Variants in ODAD3 observed in about 807,000 individuals in gnomAD.
ODAD3 encodes the protein outer dynein arm-docking complex subunit 3.
Under a neutral mutation model 70.9 loss-of-function variants are expected in ODAD3, and 57 were observed. The observed-to-expected ratio is 0.80, with a 90% CI of 0.65 to 1.00. The LOEUF (loss-of-function observed/expected upper bound fraction) is 1.00. ODAD3 is among the 50% of genes least tolerant of loss of function. The pLI is 0.00. For missense variants in ODAD3, 797 were observed against 763.9 expected, an observed-to-expected ratio of 1.04 and a Z score of -0.51; for synonymous variants, 327 against 315.9, an observed-to-expected ratio of 1.04 and a Z score of -0.37.
chr19:11,434,694 GA>G, intron 1 of ODAD3, 78 bp downstream of exon 1: 2 of 1,511,092 alleles, frequency 1.3e-6, no homozygotes, highest in South Asian at 2.5e-5. Flanking sequence ...TCATGCTGGA[GA>G]AATACCTTTG....
chr19:11,428,383 A>G (rs1969431713), intron 3 of ODAD3, among the ~76,000 whole-genome samples: 1 of 152,006 alleles, frequency 6.6e-6, no homozygotes, highest in Admixed American at 6.6e-5. Context: ...CTGGGACCAC[A>G]GATGCATGCC....
intron 3 of ODAD3, among the ~76,000 whole-genome samples, chr19:11,428,915 T>C (rs1969445634): frequency 6.7e-6 from 1 of 150,266 alleles, no homozygotes. Context: ...TGAGACAGAG[T>C]TGCCCAGGCT....
intron 7 of ODAD3, among the ~76,000 whole-genome samples, chr19:11,425,095 GTA>G (rs1179089830): frequency 3.8e-5 from 5 of 132,242 alleles, no homozygotes; most frequent in Admixed American, 1.4e-4. Context: ...GTACATATGT[GTA>G]TATATGTATA....
At chr19:11,423,215 G>A (rs987122209) in intron 8 of ODAD3, among the ~76,000 whole-genome samples, 20 of 152,360 alleles carry the variant, frequency 1.3e-4, no homozygotes, top group Non-Finnish European at 2.6e-4. Context: ...CGTCTTCGGA[G>A]CCATCCGCTC....
intron 1 of ODAD3, 93 bp from the exon 2 acceptor site, chr19:11,431,113 C>CAT (rs545294117): frequency 9.4e-7 from 1 of 1,067,644 alleles, no homozygotes; most frequent in African/African-American, 1.7e-5. Context: ...CAATCATCAA[C>CAT]TTTTTTTTTT....
At position 11,425,381 on chromosome 19, in the gene ODAD3, G is replaced by A. The variant is rs1267112064; in HGVS notation, c.963+763C>T. Among the ~76,000 whole-genome samples the A allele has an allele frequency of 9.2e-4, 93 of 101,172 alleles. 4 individuals are homozygous for A. Among genetic ancestry groups the A allele is most frequent in the South Asian group, 2.2e-3 (8 of 3,608 alleles). The allele number at this position is 101,172 out of a possible 152,430, so 66.4% of individuals were successfully genotyped here. A position where few individuals can be genotyped will look rare whatever the true frequency, so the allele number is the denominator to read the frequency against. On this transcript the variant is annotated intron_variant, in intron 7 of 12. Coordinates refer to ENST00000356392, the MANE Select transcript of ODAD3 (RefSeq NM_145045.5). ...TATGTACATATGTGTATATATGTGT[G>A]TATGTACATATGTGTATATGTATAT...
At chr19:11,428,139 T>C (rs1029334042) in intron 3 of ODAD3, among the ~76,000 whole-genome samples, 2 of 151,906 alleles carry the variant, frequency 1.3e-5, no homozygotes, top group Admixed American at 1.3e-4. Context: ...TCTCGCTATG[T>C]GGCTCAGGCT....
At position 11,422,663 on chromosome 19, in the gene ODAD3, C is replaced by A. The variant is rs771663934; in HGVS notation, c.1278-36G>T. On this transcript the variant is annotated intron_variant, in intron 9 of 12. Coordinates refer to ENST00000356392, the MANE Select transcript of ODAD3 (RefSeq NM_145045.5). This position sits in a 1 kb window ranked among gnomAD's most constrained non-coding sequence, Gnocchi z 4.6. ...CCGGGAGGTCACCCCGGGGGCTCAG[C>A]CCGCCCCGCCGCCCTCCCCAGAGCC... The A allele has an allele frequency of 6.2e-7, 1 of 1,605,788 alleles. No individual in the cohort carries two copies. Among genetic ancestry groups the A allele is most frequent in the Non-Finnish European group, 8.5e-7 (1 of 1,176,666 alleles).
intron 7 of ODAD3, among the ~76,000 whole-genome samples, chr19:11,424,495 A>ATATATATATGTATATATG (rs1341382906): frequency 2.8e-4 from 42 of 148,272 alleles, no homozygotes; most frequent in Non-Finnish European, 4.9e-4. Flanking sequence ...AAAAAAATCC[A>ATATATATATGTATATATG]TATATATATG....
intron 1 of ODAD3, among the ~76,000 whole-genome samples, chr19:11,431,623 T>C (rs1387247834): frequency 6.6e-6 from 1 of 151,114 alleles, no homozygotes; most frequent in Non-Finnish European, 1.5e-5. Flanking sequence ...AAACCCCATC[T>C]CTACAAAAAT....
intron 7 of ODAD3, among the ~76,000 whole-genome samples, chr19:11,425,512 T>C (rs1457693799): frequency 3.6e-5 from 5 of 138,038 alleles, no homozygotes; most frequent in Non-Finnish European, 7.7e-5. Flanking sequence ...TATATGTGTG[T>C]ATATATGTAT....
At chr19:11,424,211 G>T (rs1367024772) in intron 7 of ODAD3, among the ~76,000 whole-genome samples, 182 bp from the exon 8 acceptor site, 1 of 152,128 alleles carries the variant, frequency 6.6e-6, no homozygotes, top group Non-Finnish European at 1.5e-5. Flanking sequence ...GTGGGACAAG[G>T]TCGGGCGCGG....
chr19:11,423,491 G>C (rs927103238), intron 8 of ODAD3, among the ~76,000 whole-genome samples: 1 of 152,178 alleles, frequency 6.6e-6, no homozygotes, highest in African/African-American at 2.4e-5. Context: ...CACTTGCCAG[G>C]ATCTGAGGAT....
At chr19:11,431,287 T>C in intron 1 of ODAD3, 1 of 401,872 alleles carries the variant, frequency 2.5e-6, no homozygotes, top group Admixed American at 4.1e-5. Context: ...AATTTTGTAT[T>C]TTTAGTAGAC....
chr19:11,424,497 A>ATATATATGTATATATGTATATATATG lies in ODAD3; in HGVS notation c.964-494_964-469dup, dbSNP rs1568347946. Among the ~76,000 whole-genome samples, 850 of 142,130 alleles carry ATATATATGTATATATGTATATATATG rather than the reference A, an allele frequency of 6.0e-3. 16 individuals are homozygous for ATATATATGTATATATGTATATATATG. The highest frequency in any genetic ancestry group is 9.6e-3 in the Non-Finnish European group (639 of 66,644). 93.2% of individuals were successfully genotyped at this position (142,130 alleles called of 152,430 possible). A position where few individuals can be genotyped will look rare whatever the true frequency, so the allele number is the denominator to read the frequency against. ...GACCGTGTCTCAAAAAAAAATCCATATATATATGTATATATGTATATATAT... is the reference window on the plus strand; with the variant it reads ...GACCGTGTCTCAAAAAAAAATCCATATATATATGTATATATGTATATATATGTATATATGTATATATGTATATATAT... On this transcript the variant is annotated intron_variant, in intron 7 of 12. Transcript: ENST00000356392.
chr19:11,431,079 A>G (rs1285902148), intron 1 of ODAD3, 59 bp from the exon 2 acceptor site: 3 of 1,576,898 alleles, frequency 1.9e-6, no homozygotes, highest in Non-Finnish European at 2.6e-6. Context: ...TGGGTGCAAC[A>G]TCCCAGAGGA....
chr19:11,426,889 T>C lies in ODAD3; in HGVS notation c.596A>G (p.His199Arg). The C allele has an allele frequency of 6.2e-7, 1 of 1,609,358 alleles. No individual in the cohort carries two copies. The highest frequency in any genetic ancestry group is 1.1e-5 in the South Asian group (1 of 90,876). ...CGCCCCTACCTTGGCCACCTCCGTGTGTCTGTTTTGCGCCTCCGCCATCTC... is the reference window on the plus strand; with the variant it reads ...CGCCCCTACCTTGGCCACCTCCGTGCGTCTGTTTTGCGCCTCCGCCATCTC... ...LLEMAEAQNRHTEVAKTMRNL... is the reference protein window; with the variant it reads ...LLEMAEAQNRRTEVAKTMRNL... Residue 199 changes from histidine to arginine, a missense_variant, in exon 4 of 13, where the codon CAC (histidine) becomes CGC (arginine). His to Arg is a conservative substitution (Grantham distance 29). Coordinates refer to ENST00000356392, the MANE Select transcript of ODAD3 (RefSeq NM_145045.5).
Position 11,421,121 on chromosome 19 carries a change from T to C in ODAD3, c.1675+7A>G, listed in dbSNP as rs745415196. On this transcript the variant is annotated splice_region_variant and intron_variant, in intron 12 of 12. Transcript: ENST00000356392. ...CCGCACCCCTTCATCCCCCCACCCA[T>C]ACTGACCAAAAAACTTGTCCTTGGA... is the stretch of plus-strand genomic sequence containing the variant. The C allele has an allele frequency of 1.3e-6, 2 of 1,595,454 alleles. No homozygotes were observed. Among genetic ancestry groups the C allele is most frequent in the East Asian group, 2.3e-5 (1 of 43,438 alleles).
chr19:11,435,711 G>A, upstream of ODAD3: 1 of 1,324,028 alleles, frequency 7.6e-7, no homozygotes, highest in Non-Finnish European at 9.9e-7. Flanking sequence ...CCTCGTGTAG[G>A]TGTGAACGAG....
Sources: allele counts gnomAD v4.1 joint callset (sites outside exome capture counted in the v4.1 genomes callset), GRCh38; gene constraint gnomAD v4.1.1; non-coding constraint Gnocchi (gnomAD v3.1); transcripts MANE v1.5; gene names NCBI Gene and HGNC (gene_info 2026-07-23, HGNC 2026-07-21).